PPM1E: variants seen among roughly 807,000 people sequenced by gnomAD.
PPM1E encodes protein phosphatase, Mg2+/Mn2+ dependent 1E, also known as protein phosphatase 1E.
Under a neutral mutation model 65.9 loss-of-function variants are expected in PPM1E, and 20 were observed. The ratio of observed to expected loss-of-function variants is 0.30; its 90% CI spans 0.21 to 0.44. The LOEUF (loss-of-function observed/expected upper bound fraction) is 0.44. PPM1E is among the 20% of genes least tolerant of loss of function. The pLI is 1.00. For missense variants in PPM1E, 713 were observed against 953.1 expected, an observed-to-expected ratio of 0.75 and a Z score of 3.32; for synonymous variants, 352 against 374.9, an observed-to-expected ratio of 0.94 and a Z score of 0.70.
intron 1 of PPM1E, among the ~76,000 whole-genome samples, chr17:58,770,833 G>A (rs920218606): frequency 9.9e-5 from 15 of 151,048 alleles, no homozygotes; most frequent in Middle Eastern, 3.2e-3. Flanking sequence ...TTGGTTTTAA[G>A]AAGCTTTCTA....
intron 1 of PPM1E, among the ~76,000 whole-genome samples, chr17:58,834,776 A>T (rs577920564): frequency 2.0e-5 from 3 of 152,120 alleles, no homozygotes; most frequent in Non-Finnish European, 4.4e-5. Flanking sequence ...ACGACCGTTT[A>T]ACTGTTGTGC....
intron 1 of PPM1E, among the ~76,000 whole-genome samples, chr17:58,871,543 A>G (rs763230019): frequency 1.3e-5 from 2 of 152,150 alleles, no homozygotes; most frequent in African/African-American, 4.8e-5. Context: ...GGCCAGGCAC[A>G]GTGGCTCACA....
intron 1 of PPM1E, among the ~76,000 whole-genome samples, chr17:58,889,088 G>A (rs1419297434): frequency 6.6e-6 from 1 of 152,096 alleles, no homozygotes; most frequent in Non-Finnish European, 1.5e-5. Context: ...ATGTTAAAAA[G>A]TCTTTATCAA....
intron 1 of PPM1E, among the ~76,000 whole-genome samples, chr17:58,799,544 G>A (rs949298640): frequency 3.3e-5 from 5 of 152,204 alleles, no homozygotes; most frequent in Admixed American, 3.3e-4. Context: ...CTGGGCTCAA[G>A]CGATTCTTCT....
chr17:58,943,606 C>G (rs1331863743), intron 1 of PPM1E, among the ~76,000 whole-genome samples: 3 of 152,196 alleles, frequency 2.0e-5, no homozygotes, highest in African/African-American at 7.2e-5. Context: ...GTGATTTAAC[C>G]TAGTGGCTCT....
chr17:58,959,178 G>A (rs772579630), intron 2 of PPM1E, among the ~76,000 whole-genome samples: 21 of 150,382 alleles, frequency 1.4e-4, no homozygotes, highest in Admixed American at 7.3e-4. Context: ...GTGTGGTGGC[G>A]TACACCTGTA....
rs71367635 is a variant in PPM1E, at chr17:58,825,224, TCACACACACACACA to T, written c.464+68790_464+68803del. On this transcript the variant is annotated intron_variant, in intron 1 of 6. Transcript: ENST00000308249. ...GAACTATTGATTCTCACACACACAC[TCACACACACACACA>T]CACACACACACACACACACACACAC... Among the ~76,000 whole-genome samples, 49 of 140,156 alleles carry T rather than the reference TCACACACACACACA, an allele frequency of 3.5e-4. No individual in the cohort carries two copies. In the East Asian group the frequency reaches 3.8e-3, roughly 11 times the overall value. 91.9% of individuals were successfully genotyped at this position (140,156 alleles called of 152,430 possible). A position where few individuals can be genotyped will look rare whatever the true frequency, so the allele number is the denominator to read the frequency against.
intron 1 of PPM1E, among the ~76,000 whole-genome samples, chr17:58,911,526 C>A (rs2051627258): frequency 6.6e-6 from 1 of 152,116 alleles, no homozygotes; most frequent in African/African-American, 2.4e-5. Context: ...CAGTTGAAGG[C>A]TTTTCAGGTG....
chr17:58,936,167 G>C (rs577566702), intron 1 of PPM1E, among the ~76,000 whole-genome samples: 5 of 152,202 alleles, frequency 3.3e-5, no homozygotes, highest in African/African-American at 1.2e-4. Flanking sequence ...CCTAGAGGTT[G>C]CTATAGAAAG....
intron 1 of PPM1E, among the ~76,000 whole-genome samples, chr17:58,878,824 T>G (rs1437825170): frequency 6.6e-6 from 1 of 150,678 alleles, no homozygotes; most frequent in African/African-American, 2.4e-5. Context: ...TCCCAGCTAC[T>G]CAGGAGGCTG....
At chr17:58,762,619 C>T (rs1450532563) in intron 1 of PPM1E, among the ~76,000 whole-genome samples, 5 of 151,706 alleles carry the variant, frequency 3.3e-5, no homozygotes, top group Non-Finnish European at 5.9e-5. Flanking sequence ...TGTTTTGGGC[C>T]GGGCGCGGTG....
intron 1 of PPM1E, chr17:58,899,500 C>A: frequency 4.3e-6 from 1 of 233,608 alleles, no homozygotes; most frequent in South Asian, 6.8e-5. Context: ...GGTGGAGGCC[C>A]TTAGTGCTTA....
At chr17:58,774,781 G>C (rs2049977162) in intron 1 of PPM1E, among the ~76,000 whole-genome samples, 1 of 151,696 alleles carries the variant, frequency 6.6e-6, no homozygotes, top group African/African-American at 2.4e-5. Context: ...ATTTATCTTG[G>C]CTTATGCATT....
chr17:58,930,679 A>G (rs1430343204), intron 1 of PPM1E, among the ~76,000 whole-genome samples: 1 of 152,152 alleles, frequency 6.6e-6, no homozygotes, highest in Admixed American at 6.6e-5. Flanking sequence ...TGTCAGTGAA[A>G]TAATGGACAT....
intron 1 of PPM1E, among the ~76,000 whole-genome samples, chr17:58,805,865 G>A (rs191904623): frequency 4.8e-4 from 71 of 148,498 alleles, no homozygotes; most frequent in African/African-American, 1.7e-3. Flanking sequence ...GTTAAGAATA[G>A]GAAGCCTAAA....
intron 1 of PPM1E, among the ~76,000 whole-genome samples, chr17:58,900,554 C>G (rs2051486317): frequency 6.6e-6 from 1 of 152,122 alleles, no homozygotes; most frequent in Non-Finnish European, 1.5e-5. Context: ...ATAATGTAAA[C>G]ATAGCTTTTA....
At chr17:58,787,680 G>A (rs1312123505) in intron 1 of PPM1E, among the ~76,000 whole-genome samples, 2 of 151,818 alleles carry the variant, frequency 1.3e-5, no homozygotes, top group Non-Finnish European at 2.9e-5. Flanking sequence ...AGGCCGAGGC[G>A]GGCGGATCAC....
At chr17:58,779,364 G>A (rs2050030177) in intron 1 of PPM1E, among the ~76,000 whole-genome samples, 1 of 151,836 alleles carries the variant, frequency 6.6e-6, no homozygotes, top group Admixed American at 6.6e-5. Flanking sequence ...GTAGAAACGG[G>A]GTTTCACCAT....
chr17:58,789,980 T>C (rs1416375800), intron 1 of PPM1E, among the ~76,000 whole-genome samples: 1 of 152,102 alleles, frequency 6.6e-6, no homozygotes, highest in Non-Finnish European at 1.5e-5. Flanking sequence ...TTTTTGACAG[T>C]TTTTATGCAT....
Sources: allele counts gnomAD v4.1 joint callset (sites outside exome capture counted in the v4.1 genomes callset), GRCh38; gene constraint gnomAD v4.1.1; transcripts MANE v1.5; gene names NCBI Gene and HGNC (gene_info 2026-07-23, HGNC 2026-07-21).